CAST: variants seen among roughly 807,000 people sequenced by gnomAD.
CAST encodes MIR583 host.
Under a neutral mutation model 119.6 loss-of-function variants are expected in CAST, and 76 were observed. The ratio of observed to expected loss-of-function variants is 0.64; its 90% CI spans 0.53 to 0.77. CAST has a LOEUF of 0.77. Ranked by LOEUF, CAST falls within the 30% of genes least tolerant of loss-of-function variation. CAST has a pLI of 0.00. For synonymous variants in CAST, 319 were observed against 331.6 expected (o/e 0.96, Z 0.41); for missense variants, 953 against 946.5 (o/e 1.01, Z -0.09).
the CAST span, among the ~76,000 whole-genome samples, chr5:96,332,708 C>G: frequency 6.6e-6 from 1 of 152,096 alleles, no homozygotes; most frequent in Non-Finnish European, 1.5e-5. Context: ...ATGAAGAAAA[C>G]TGTCCGGCTA....
chr5:96,191,799 A>G, the CAST span, among the ~76,000 whole-genome samples: 345 of 152,236 alleles, frequency 2.3e-3, 1 homozygote, highest in African/African-American at 8.0e-3. Context: ...CAATCTCTTG[A>G]CCTCAGGATG....
upstream of CAST, among the ~76,000 whole-genome samples, chr5:96,527,973 T>TG (rs1561407061): frequency 6.6e-6 from 1 of 152,192 alleles, no homozygotes; most frequent in African/African-American, 2.4e-5. Flanking sequence ...GGATGAATGA[T>TG]GGGAAGATAG....
the CAST span, among the ~76,000 whole-genome samples, chr5:96,276,270 T>C: frequency 3.3e-5 from 5 of 152,202 alleles, no homozygotes; most frequent in African/African-American, 4.8e-5. Context: ...TAAAAACCCA[T>C]AGTAAAAATG....
chr5:96,406,488 C>T, the CAST span, among the ~76,000 whole-genome samples: 2 of 152,300 alleles, frequency 1.3e-5, no homozygotes, highest in African/African-American at 4.8e-5. Context: ...CTTGCCAGCC[C>T]CTCCAAGTAG....
rs979805409 is a variant in CAST at position 96,663,172 on chromosome 5, T to C, written c.75+675T>C. On this transcript the variant is annotated intron_variant, in intron 1 of 31. Coordinates refer to ENST00000675179, the MANE Select transcript of CAST (RefSeq NM_001750.7). ...CCAGCTGGTGGTACAAGACGGTAAATAGGAGCGGTTGTGCCTGGGCAGGAC... is the reference window on the plus strand; with the variant it reads ...CCAGCTGGTGGTACAAGACGGTAAACAGGAGCGGTTGTGCCTGGGCAGGAC... 4.3e-6 allele frequency: 3 copies of C among 702,612 alleles called. No individual in the cohort carries two copies. In the South Asian group the frequency reaches 4.4e-5, roughly 10 times the overall value. The allele number at this position is 702,612 out of a possible 1,614,324, so 43.5% of individuals were successfully genotyped here.
the CAST span, among the ~76,000 whole-genome samples, chr5:96,292,093 A>C: frequency 6.6e-6 from 1 of 152,122 alleles, no homozygotes; most frequent in South Asian, 2.1e-4. Flanking sequence ...AGAGGCAAAC[A>C]CTGGAAGAAA....
At chr5:96,025,176 G>C in the CAST span, among the ~76,000 whole-genome samples, 1 of 152,044 alleles carries the variant, frequency 6.6e-6, no homozygotes, top group Non-Finnish European at 1.5e-5. Context: ...AGGCTAGGGG[G>C]GTTTAAACTG....
chr5:96,445,701 C>T, the CAST span, among the ~76,000 whole-genome samples: 50 of 152,274 alleles, frequency 3.3e-4, no homozygotes, highest in Non-Finnish European at 6.6e-4. Flanking sequence ...CAGTCTTGTG[C>T]ATTTTCTGCA....
chr5:96,295,392 A>T, the CAST span, among the ~76,000 whole-genome samples: 1 of 152,194 alleles, frequency 6.6e-6, no homozygotes, highest in Non-Finnish European at 1.5e-5. Flanking sequence ...ATCACTGAGG[A>T]CTTTATGCCC....
intron 1 of CAST, among the ~76,000 whole-genome samples, chr5:96,560,681 T>G (rs955283900): frequency 6.6e-6 from 1 of 151,994 alleles, no homozygotes; most frequent in African/African-American, 2.4e-5. Context: ...AGAATGGCGA[T>G]CATTAAAAAG....
the CAST span, among the ~76,000 whole-genome samples, chr5:95,995,720 G>A: frequency 6.6e-6 from 1 of 152,080 alleles, no homozygotes; most frequent in East Asian, 1.9e-4. Context: ...ATGATAAAGG[G>A]GAGGAGGCTT....
chr5:96,611,748 T>A (rs1747368020), intron 1 of CAST, among the ~76,000 whole-genome samples: 1 of 151,364 alleles, frequency 6.6e-6, no homozygotes, highest in Non-Finnish European at 1.5e-5. Flanking sequence ...TTAACTTAAA[T>A]CAACAAGAAA....
chr5:96,617,661 G>A (rs186212446), intron 1 of CAST, among the ~76,000 whole-genome samples: 203 of 151,658 alleles, frequency 1.3e-3, no homozygotes, highest in Non-Finnish European at 2.0e-3. Context: ...GCATGGTGGT[G>A]GGTGCCAGTA....
chr5:96,054,732 A>G, the CAST span, among the ~76,000 whole-genome samples: 1 of 152,138 alleles, frequency 6.6e-6, no homozygotes, highest in Non-Finnish European at 1.5e-5. Context: ...GTTCAATACT[A>G]TTTATTTTGA....
At chr5:96,052,213 T>C in the CAST span, among the ~76,000 whole-genome samples, 6 of 152,230 alleles carry the variant, frequency 3.9e-5, no homozygotes, top group Admixed American at 3.9e-4. Context: ...TCAAACAGCA[T>C]GACATTGTGG....
chr5:96,303,267 C>G, the CAST span, among the ~76,000 whole-genome samples: 1 of 152,148 alleles, frequency 6.6e-6, no homozygotes, highest in African/African-American at 2.4e-5. Flanking sequence ...CCCCCATGAT[C>G]CAGTCACCTC....
intron 1 of CAST, chr5:96,584,974 C>G (rs906579997): frequency 2.0e-5 from 3 of 152,184 alleles, no homozygotes; most frequent in Non-Finnish European, 4.4e-5. Flanking sequence ...CAGAGTCTAG[C>G]ATGGCACCAT....
the CAST span, among the ~76,000 whole-genome samples, chr5:96,009,776 G>T: frequency 1.3e-5 from 2 of 152,100 alleles, no homozygotes; most frequent in African/African-American, 4.8e-5. Context: ...TTCTTTTGCT[G>T]TACAGAAGCT....
intron 1 of CAST, among the ~76,000 whole-genome samples, chr5:96,602,850 G>T (rs564567040): frequency 2.6e-5 from 4 of 152,252 alleles, no homozygotes; most frequent in Admixed American, 6.5e-5. Context: ...GAGGCATTTG[G>T]GTGAGACTCA....
Sources: gnomAD v4.1 joint callset for allele counts (sites outside exome capture counted in the v4.1 genomes callset) on GRCh38, gnomAD v4.1.1 for gene constraint, MANE v1.5 for transcripts, NCBI Gene and HGNC (gene_info 2026-07-23, HGNC 2026-07-21) for gene names.